Variants in DNAJC3 observed in about 807,000 individuals in gnomAD.
The protein encoded by DNAJC3 is DnaJ heat shock protein family (Hsp40) member C3.
A neutral mutation model predicts 68.6 loss-of-function variants in DNAJC3; 38 were observed. The observed-to-expected ratio is 0.55, with a 90% CI of 0.43 to 0.73. DNAJC3 has a LOEUF of 0.73. DNAJC3 is among the 30% of genes least tolerant of loss of function. The probability of loss-of-function intolerance (pLI) is 0.00; values close to 1 mark genes in which losing one functional copy is unlikely to be tolerated. For missense variants in DNAJC3, 526 were observed against 591.9 expected (o/e 0.89, Z 1.16); for synonymous variants, 203 against 204.0 (o/e 1.00, Z 0.04).
At chr13:95,714,412 T>TA (rs58381820) in intron 2 of DNAJC3, among the ~76,000 whole-genome samples, 3,464 of 135,286 alleles carry the variant, frequency 0.026, 68 homozygotes, top group East Asian at 0.056. Context: ...CTTTTTTTCT[T>TA]AAAAAAAAAA....
chr13:95,716,148 T>A (rs892892265), intron 2 of DNAJC3, among the ~76,000 whole-genome samples: 3 of 152,090 alleles, frequency 2.0e-5, no homozygotes, highest in African/African-American at 7.2e-5. Flanking sequence ...AGAGTGAGAC[T>A]CTGCCTCAAA....
At chr13:95,774,102 T>A (rs1883237293) in intron 9 of DNAJC3, among the ~76,000 whole-genome samples, 2 of 152,216 alleles carry the variant, frequency 1.3e-5, no homozygotes, top group Non-Finnish European at 2.9e-5. Context: ...CTTTATTACT[T>A]TATTGATTTC....
intron 4 of DNAJC3, chr13:95,745,427 T>G (rs1442910489): frequency 6.6e-6 from 1 of 152,328 alleles, no homozygotes; most frequent in East Asian, 1.9e-4. Context: ...TCTGCACATA[T>G]GCCTGTAATA....
At chr13:95,678,682 A>G (rs979848635) in intron 1 of DNAJC3, among the ~76,000 whole-genome samples, 5 of 151,936 alleles carry the variant, frequency 3.3e-5, no homozygotes, top group African/African-American at 1.2e-4. Context: ...TTAATAATTT[A>G]TTTTGGACAC....
At chr13:95,680,575 C>A (rs1013407954) in intron 1 of DNAJC3, among the ~76,000 whole-genome samples, 1 of 152,108 alleles carries the variant, frequency 6.6e-6, no homozygotes, top group Non-Finnish European at 1.5e-5. Context: ...ATTTTAAATT[C>A]TTTAATAAGA....
At chr13:95,690,917 G>T (rs1880226060) in intron 1 of DNAJC3, among the ~76,000 whole-genome samples, 1 of 140,114 alleles carries the variant, frequency 7.1e-6, no homozygotes, top group African/African-American at 2.7e-5. Context: ...CGGGCGGGGG[G>T]CTGACCCCCC....
chr13:95,786,178 T>C, intron 10 of DNAJC3, 107 bp downstream of exon 10: 2 of 1,211,218 alleles, frequency 1.7e-6, no homozygotes, highest in Non-Finnish European at 2.3e-6. Flanking sequence ...TTATGTAATT[T>C]CAGTCATATG....
chr13:95,719,589 G>A (rs1209921103), intron 2 of DNAJC3, among the ~76,000 whole-genome samples: 1 of 152,156 alleles, frequency 6.6e-6, no homozygotes, highest in Non-Finnish European at 1.5e-5. Flanking sequence ...ATACAAAAAA[G>A]TAATCACTCC....
At chr13:95,755,280 C>G (rs1331300669) in intron 4 of DNAJC3, among the ~76,000 whole-genome samples, 1 of 152,036 alleles carries the variant, frequency 6.6e-6, no homozygotes, top group Non-Finnish European at 1.5e-5. Context: ...ACAACCCTGT[C>G]TCTACAAAAA....
At chr13:95,715,620 T>C (rs1035126331) in intron 2 of DNAJC3, among the ~76,000 whole-genome samples, 1 of 151,586 alleles carries the variant, frequency 6.6e-6, no homozygotes, top group Non-Finnish European at 1.5e-5. Context: ...CCCGAGCAGC[T>C]AGGAGTATAG....
At chr13:95,745,724 G>C (rs1383746201) in intron 4 of DNAJC3, 1 of 152,116 alleles carries the variant, frequency 6.6e-6, no homozygotes, top group Non-Finnish European at 1.5e-5. Context: ...TGCTGGATTT[G>C]CAAATCCCCT....
chr13:95,688,519 G>GTT (rs113150172), intron 1 of DNAJC3, among the ~76,000 whole-genome samples: 50 of 143,788 alleles, frequency 3.5e-4, no homozygotes, highest in African/African-American at 8.1e-4. Flanking sequence ...TTTTTCTACA[G>GTT]TTTTTTTTTT....
At chr13:95,748,585 G>A (rs558137652) in intron 4 of DNAJC3, among the ~76,000 whole-genome samples, 88 of 152,340 alleles carry the variant, frequency 5.8e-4, no homozygotes, top group Admixed American at 1.3e-3. Flanking sequence ...GGAGGTCAAG[G>A]TGGGCAGATC....
intron 1 of DNAJC3, among the ~76,000 whole-genome samples, chr13:95,691,022 C>A (rs1422813459): frequency 7.0e-6 from 1 of 142,542 alleles, no homozygotes; most frequent in Non-Finnish European, 1.5e-5. Flanking sequence ...GGGGGCTGAC[C>A]CCCCCACCTC....
intron 4 of DNAJC3, among the ~76,000 whole-genome samples, chr13:95,741,309 A>G (rs1882135142): frequency 6.6e-6 from 1 of 152,120 alleles, no homozygotes; most frequent in African/African-American, 2.4e-5. Flanking sequence ...TATAGTCTCC[A>G]TATAATTTGG....
chr13:95,719,165 C>T (rs1040405671), intron 2 of DNAJC3, among the ~76,000 whole-genome samples: 1 of 152,176 alleles, frequency 6.6e-6, no homozygotes, highest in African/African-American at 2.4e-5. Context: ...AGACGAACAA[C>T]CAAATAGATG....
chr13:95,710,847 CA>C (rs1297224991), intron 2 of DNAJC3, among the ~76,000 whole-genome samples: 2 of 151,986 alleles, frequency 1.3e-5, no homozygotes, highest in African/African-American at 2.4e-5. Flanking sequence ...CCATCATGCC[CA>C]GCTAATTTTT....
intron 1 of DNAJC3, among the ~76,000 whole-genome samples, chr13:95,696,562 C>CT (rs1415418378): frequency 6.6e-6 from 1 of 151,656 alleles, no homozygotes; most frequent in Admixed American, 6.5e-5. Context: ...CCTTCTTTGC[C>CT]TTTTTTAAAA....
chr13:95,693,503 A>T (rs1339253144), intron 1 of DNAJC3: 1 of 152,198 alleles, frequency 6.6e-6, no homozygotes, highest in African/African-American at 2.4e-5. Context: ...AATAATAGGC[A>T]GTATCTTCAC....
Sources: gnomAD v4.1 joint callset for allele counts (sites outside exome capture counted in the v4.1 genomes callset) on GRCh38, gnomAD v4.1.1 for gene constraint, MANE v1.5 for transcripts, NCBI Gene and HGNC (gene_info 2026-07-23, HGNC 2026-07-21) for gene names.